The following CCDC149 variants were observed in gnomAD, a reference collection of about 807,000 sequenced individuals.
CCDC149 encodes coiled-coil domain-containing protein 149.
CCDC149 carries 45 observed loss-of-function variants against 59.9 expected under a neutral mutation model. The ratio of observed to expected loss-of-function variants is 0.75; its 90% CI spans 0.59 to 0.96. The LOEUF (loss-of-function observed/expected upper bound fraction) is 0.96, where lower values mean the gene tolerates loss of function less well. Ranked by LOEUF, CCDC149 falls within the 40% of genes least tolerant of loss-of-function variation. CCDC149 has a pLI of 0.00. For synonymous variants in CCDC149, 245 were observed against 260.6 expected (o/e 0.94, Z 0.58); for missense variants, 584 against 664.7 (o/e 0.88, Z 1.33).
chr4:24,818,883 C>T (rs565359347), intron 12 of CCDC149, among the ~76,000 whole-genome samples: 9 of 152,246 alleles, frequency 5.9e-5, no homozygotes, highest in East Asian at 3.9e-4. Context: ...GACGGTTACA[C>T]GGGGGCATGA....
chr4:24,949,780 A>G (rs1162158899), intron 1 of CCDC149, among the ~76,000 whole-genome samples: 1 of 152,204 alleles, frequency 6.6e-6, no homozygotes, highest in African/African-American at 2.4e-5. Flanking sequence ...TGGAGTTAGG[A>G]TCTAATTCCC....
At chr4:24,892,914 T>C (rs1222207461) in intron 1 of CCDC149, among the ~76,000 whole-genome samples, 1 of 152,196 alleles carries the variant, frequency 6.6e-6, no homozygotes, top group Non-Finnish European at 1.5e-5. Context: ...AATGACTTTC[T>C]TGCTACATCA....
chr4:24,852,501 A>G (rs921169764), intron 4 of CCDC149, among the ~76,000 whole-genome samples: 4 of 152,202 alleles, frequency 2.6e-5, no homozygotes, highest in Admixed American at 6.5e-5. Flanking sequence ...TCATAGCTTC[A>G]GCTGGGAGAG....
At chr4:24,857,992 GGT>G (rs1718131631) in intron 3 of CCDC149, among the ~76,000 whole-genome samples, 1 of 152,056 alleles carries the variant, frequency 6.6e-6, no homozygotes, top group Non-Finnish European at 1.5e-5. Flanking sequence ...ATTCTGATAT[GGT>G]GCCTAATTCC....
At chr4:24,895,410 G>A (rs10939012) in intron 1 of CCDC149, among the ~76,000 whole-genome samples, 23,731 of 152,210 alleles carry the variant, frequency 0.16, 1,953 homozygotes, top group South Asian at 0.25. Flanking sequence ...ATTAGGGCAT[G>A]GAAACATGGA....
intron 1 of CCDC149, among the ~76,000 whole-genome samples, chr4:24,962,920 T>C (rs10002547): frequency 0.73 from 108,332 of 149,104 alleles, 39,572 homozygotes; most frequent in Non-Finnish European, 0.76. Flanking sequence ...ATAAAATCTT[T>C]GTAAAGTGAA....
chr4:24,813,527 T>TATATATATATATATATATATAA (rs1405803152), intron 12 of CCDC149, among the ~76,000 whole-genome samples: 1 of 91,264 alleles, frequency 1.1e-5, no homozygotes, highest in African/African-American at 3.9e-5. Flanking sequence ...TATATATATA[T>TATATATATATATATATATATAA]AAAACCTAAA....
rs572218565 is a variant in CCDC149 at position 24,931,441 on chromosome 4, G to A, written c.-64-36323C>T. 2.6e-5 allele frequency among the ~76,000 whole-genome samples: 4 copies of A among 151,586 alleles called. No homozygotes were observed. The South Asian group carries it at 8.3e-4, about 32-fold the overall frequency. On this transcript the variant is annotated intron_variant, in intron 1 of 12. Transcript: ENST00000389609. ...TCCTACTACATATCCATTGTGAGGT[G>A]TGTGTGTTTGGGTGGGGGGATGTGT...
At chr4:24,841,817 G>C (rs915940491) in intron 4 of CCDC149, among the ~76,000 whole-genome samples, 1 of 152,244 alleles carries the variant, frequency 6.6e-6, no homozygotes, top group Non-Finnish European at 1.5e-5. Flanking sequence ...CATGAAGTGA[G>C]AGAGTGGGGT....
upstream of CCDC149, among the ~76,000 whole-genome samples, chr4:24,913,411 G>A (rs1219760202): frequency 2.0e-5 from 3 of 152,218 alleles, no homozygotes; most frequent in East Asian, 5.8e-4. Flanking sequence ...CATAGGAGAT[G>A]CTCTACATAT....
intron 1 of CCDC149, among the ~76,000 whole-genome samples, chr4:24,926,068 C>T (rs946123334): frequency 3.5e-4 from 54 of 152,152 alleles, no homozygotes; most frequent in South Asian, 2.5e-3. Flanking sequence ...TTATGGTGTG[C>T]GCCTGTAATC....
chr4:24,908,568 C>T (rs909127105), intron 1 of CCDC149, among the ~76,000 whole-genome samples: 3 of 151,376 alleles, frequency 2.0e-5, no homozygotes, highest in Admixed American at 6.6e-5. Flanking sequence ...GGCATGGTGG[C>T]ACGTGCCTGT....
intron 12 of CCDC149, among the ~76,000 whole-genome samples, chr4:24,815,855 G>C (rs561876233): frequency 1.3e-5 from 2 of 152,078 alleles, no homozygotes; most frequent in South Asian, 2.1e-4. Context: ...GTGCAGGGGG[G>C]TGCGTGTGGG....
At position 24,816,721 on chromosome 4, in the gene CCDC149, A is replaced by G. The variant is rs541332745; in HGVS notation, c.1192+3138T>C. ...ATTATTAATAATGATACACATATCAATGATGAGGATGCAATCAACGGCTAC... is the reference window on the plus strand; with the variant it reads ...ATTATTAATAATGATACACATATCAGTGATGAGGATGCAATCAACGGCTAC... On this transcript the variant is annotated intron_variant, in intron 12 of 12. Transcript: ENST00000635206. 2.0e-5 allele frequency among the ~76,000 whole-genome samples: 3 copies of G among 152,358 alleles called. No individual in the cohort carries two copies. The South Asian group carries it at 6.2e-4, about 32-fold the overall frequency.
intron 7 of CCDC149, among the ~76,000 whole-genome samples, 183 bp from the exon 8 acceptor site, chr4:24,835,215 GT>G (rs1434004410): frequency 3.3e-5 from 5 of 152,168 alleles, no homozygotes; most frequent in African/African-American, 1.2e-4. Context: ...TAAGAAGTTT[GT>G]TTGTTTGTTT....
chr4:24,895,018 C>CGAT (rs534072693), intron 1 of CCDC149: 18 of 1,528,338 alleles, frequency 1.2e-5, no homozygotes, highest in Middle Eastern at 1.7e-4. Flanking sequence ...GCCGCTCTGG[C>CGAT]GATGATGATG....
intron 2 of CCDC149, among the ~76,000 whole-genome samples, chr4:24,876,330 C>CAT (rs1560231932): frequency 7.2e-6 from 1 of 139,822 alleles, no homozygotes; most frequent in African/African-American, 2.6e-5. Flanking sequence ...CACACACACA[C>CAT]ACACACACAC....
chr4:24,879,599 C>T (rs1464524646), intron 1 of CCDC149, among the ~76,000 whole-genome samples: 4 of 150,824 alleles, frequency 2.7e-5, no homozygotes, highest in African/African-American at 7.3e-5. Context: ...GCAGGATAAT[C>T]GCTTGAACTC....
At chr4:24,822,096 C>A (rs1479671454) in intron 10 of CCDC149, among the ~76,000 whole-genome samples, 1 of 152,058 alleles carries the variant, frequency 6.6e-6, no homozygotes, top group African/African-American at 2.4e-5. Flanking sequence ...TTATTAAGTT[C>A]TCATATTAAC....
Sources: allele counts gnomAD v4.1 joint callset (sites outside exome capture counted in the v4.1 genomes callset), GRCh38; gene constraint gnomAD v4.1.1; transcripts MANE v1.5; gene names NCBI Gene and HGNC (gene_info 2026-07-23, HGNC 2026-07-21).